The following YME1L1 variants were observed in gnomAD, a reference collection of about 807,000 sequenced individuals.
YME1L1 encodes the protein YME1 like 1 ATPase, also known as ATP-dependent zinc metalloprotease YME1L1.
YME1L1 carries 39 observed loss-of-function variants against 90.4 expected under a neutral mutation model. That is an observed-to-expected ratio of 0.43 (90% confidence interval 0.33 to 0.56). The LOEUF is 0.56. YME1L1 is among the 20% of genes least tolerant of loss of function. The pLI is 0.03. For synonymous variants in YME1L1, 284 were observed against 287.3 expected (o/e 0.99, Z 0.12); for missense variants, 617 against 868.4 (o/e 0.71, Z 3.64).
chr10:27,113,019 C>T (rs190740040), intron 18 of YME1L1, among the ~76,000 whole-genome samples: 140 of 150,450 alleles, frequency 9.3e-4, no homozygotes, highest in Middle Eastern at 3.5e-3. Flanking sequence ...CCCAGGAGTT[C>T]GACACCAGCC....
chr10:27,143,665 T>G (rs547804705), intron 3 of YME1L1, among the ~76,000 whole-genome samples: 3 of 137,470 alleles, frequency 2.2e-5, no homozygotes, highest in African/African-American at 5.6e-5. Flanking sequence ...CCCACTGCAC[T>G]CCAGCCTGGG....
At chr10:27,123,802 G>T in intron 9 of YME1L1, 103 bp from the exon 10 acceptor site, 1 of 1,227,842 alleles carries the variant, frequency 8.1e-7, no homozygotes. Context: ...TTTTCAGGCT[G>T]AGGTCACACC....
chr10:27,143,711 A>AT (rs1411394457), intron 3 of YME1L1, among the ~76,000 whole-genome samples: 3 of 151,622 alleles, frequency 2.0e-5, no homozygotes, highest in African/African-American at 7.3e-5. Context: ...AAAAAAAAAA[A>AT]AAAAAGATGT....
chr10:27,115,185 G>A (rs561198529), intron 17 of YME1L1, among the ~76,000 whole-genome samples: 11 of 152,196 alleles, frequency 7.2e-5, no homozygotes, highest in South Asian at 4.1e-4. Context: ...CCCGGGAGGC[G>A]GTAGCTGCAG....
At chr10:27,112,222 A>T in intron 18 of YME1L1, 102 bp from the exon 19 acceptor site, 1 of 997,368 alleles carries the variant, frequency 1.0e-6, no homozygotes. Context: ...AAAAAATATG[A>T]AATCTGTTTA....
At chr10:27,126,565 C>G (rs1301656232) in intron 9 of YME1L1, 131 bp downstream of exon 9, 2 of 537,076 alleles carry the variant, frequency 3.7e-6, no homozygotes, top group African/African-American at 4.0e-5. Flanking sequence ...GAATGAACAT[C>G]TATTTTGTAA....
rs1254775017 is a variant in YME1L1, at chr10:27,134,879, A to T, written c.643T>A (p.Phe215Ile). The T allele has an allele frequency of 6.2e-7, 1 of 1,613,894 alleles. No homozygotes were observed. The highest frequency in any genetic ancestry group is 1.3e-5 in the African/African-American group (1 of 74,880). The change falls in exon 6 of 19, where the codon TTT (phenylalanine) becomes ATT (isoleucine). Residue 215 changes from phenylalanine to isoleucine, a missense_variant. Coordinates refer to ENST00000376016, the MANE Select transcript of YME1L1 (RefSeq NM_014263.4). ...TGAGCTTTCAGAAAACCTTCCGCAA[A>T]ACCAGTTTTAAATGCATCTTGGTGA... ...EAHQDAFKTGFAEGFLKAQAL... is the reference protein window; with the variant it reads ...EAHQDAFKTGIAEGFLKAQAL...
chr10:27,120,513 C>T lies in YME1L1; in HGVS notation c.1333G>A (p.Val445Ile). The T allele has an allele frequency of 1.2e-6, 2 of 1,613,564 alleles. No individual in the cohort carries two copies. Among genetic ancestry groups the T allele is most frequent in the South Asian group, 1.1e-5 (1 of 91,012 alleles). Residue 445 changes from valine (V) to isoleucine (I), a missense_variant, in exon 13 of 19, where the codon GTT becomes ATT. By Grantham distance (29) the Val-to-Ile change is conservative (BLOSUM62 3). This residue lies in a region of YME1L1 where 212 missense variants were observed against 330.0 expected (regional missense o/e 0.64). Transcript: ENST00000376016. ...LIRPGRFDMQ[V>I]TVPRPDVKGR... The stretch of plus-strand genomic sequence containing the variant: ...TTTACATCTGGCCTTGGAACTGTAA[C>T]TTGCATGTCAAAACGACCAGGACGT...
intron 14 of YME1L1, 68 bp from the exon 15 acceptor site, chr10:27,117,795 T>C (rs2056828802): frequency 1.3e-6 from 2 of 1,522,630 alleles, no homozygotes; most frequent in Non-Finnish European, 1.8e-6. Context: ...AACACATTCT[T>C]GTCTGCAAAT....
At chr10:27,148,343 C>T (rs1196034828) in intron 2 of YME1L1, among the ~76,000 whole-genome samples, 2 of 152,132 alleles carry the variant, frequency 1.3e-5, no homozygotes, top group African/African-American at 4.8e-5. Flanking sequence ...GCTGGGACTA[C>T]AGGCGCACGC....
chr10:27,132,257 A>G (rs1174843994), intron 7 of YME1L1, among the ~76,000 whole-genome samples: 3 of 151,528 alleles, frequency 2.0e-5, no homozygotes, highest in Non-Finnish European at 4.4e-5. Flanking sequence ...TGCGCCACCA[A>G]ACCCGGCTAA....
In YME1L1 at chr10:27,142,487, TG is replaced by T; in HGVS notation, c.332-3del. The T allele has an allele frequency of 7.1e-7, 1 of 1,408,174 alleles. No individual in the cohort carries two copies. Among genetic ancestry groups the T allele is most frequent in the Non-Finnish European group, 9.4e-7 (1 of 1,065,806 alleles). The allele number at this position is 1,408,174 out of a possible 1,614,324, so 87.2% of individuals were successfully genotyped here. A position where few individuals can be genotyped will look rare whatever the true frequency, so the allele number is the denominator to read the frequency against. ...ATGTACTAAATATATCTAAGTTACC[TG>T]GAGGGAAATTGCAAAAAGTAAATTT... On this transcript the variant is annotated splice_polypyrimidine_tract_variant and splice_region_variant and intron_variant, in intron 3 of 18. Transcript: ENST00000376016.
At chr10:27,136,699 CTTTATTTATTTATTTATTTA>C (rs149072823) in intron 4 of YME1L1, among the ~76,000 whole-genome samples, 27 of 145,504 alleles carry the variant, frequency 1.9e-4, no homozygotes, top group South Asian at 4.4e-4. Context: ...TCAAAAGGAA[CTTTATTTATTTATTTATTTA>C]TTTATTTATT....
At chr10:27,112,184 G>C in intron 18 of YME1L1, 64 bp from the exon 19 acceptor site, 1 of 1,477,236 alleles carries the variant, frequency 6.8e-7, no homozygotes, top group East Asian at 2.3e-5. Context: ...CAGTCAATGG[G>C]AAGAGAAAGA....
At chr10:27,129,416 C>A (rs373479428) in intron 8 of YME1L1, 2 of 152,174 alleles carry the variant, frequency 1.3e-5, no homozygotes, top group African/African-American at 2.4e-5. Flanking sequence ...TTCCCAATGC[C>A]TTATTCCCCA....
At chr10:27,114,469 AT>A in intron 18 of YME1L1, 51 bp downstream of exon 18, 1 of 1,457,700 alleles carries the variant, frequency 6.9e-7, no homozygotes, top group Non-Finnish European at 9.5e-7. Context: ...GAACCTGACT[AT>A]TTAAGCACAT....
At chr10:27,145,289 C>CAA (rs57762952) in intron 3 of YME1L1, 139 bp downstream of exon 3, 476 of 494,302 alleles carry the variant, frequency 9.6e-4, no homozygotes, top group Middle Eastern at 1.3e-3. Flanking sequence ...TGAAAAATTG[C>CAA]AAAAAAAAAA....
At chr10:27,154,072 A>C in intron 1 of YME1L1, 106 bp downstream of exon 1, 1 of 1,406,602 alleles carries the variant, frequency 7.1e-7, no homozygotes, top group Non-Finnish European at 9.8e-7. Flanking sequence ...TGAGTACATC[A>C]CTTCATTTCT....
rs1002182672 is a variant in YME1L1 at position 27,110,902 on chromosome 10, C to T, written c.*1075G>A. 2.6e-5 allele frequency: 4 copies of T among 152,226 alleles called. No homozygotes were observed. Among genetic ancestry groups the T allele is most frequent in the Admixed American group, 2.6e-4 (4 of 15,284 alleles). The allele number at this position is 152,226 out of a possible 1,614,324, so 9.4% of individuals were successfully genotyped here. ...TTTTTTTTTGAGACAGAGTCTCACT[C>T]TGTCACCCAGGCTGGAGTGCAGTGG... On this transcript the variant is annotated 3_prime_UTR_variant, in exon 19 of 19. Coordinates refer to ENST00000376016, the MANE Select transcript of YME1L1 (RefSeq NM_014263.4).
Sources: gnomAD v4.1 joint callset for allele counts (sites outside exome capture counted in the v4.1 genomes callset) on GRCh38, gnomAD v4.1.1 for gene constraint, gnomAD v4.1.1 regional missense constraint, MANE v1.5 for transcripts, NCBI Gene and HGNC (gene_info 2026-07-23, HGNC 2026-07-21) for gene names.